Variants in MYO9B observed in about 807,000 individuals in gnomAD.
MYO9B encodes myosin IXB, also known as unconventional myosin-IXb.
Under a neutral mutation model 229.5 loss-of-function variants are expected in MYO9B, and 71 were observed. The ratio of observed to expected loss-of-function variants is 0.31; its 90% confidence interval spans 0.26 to 0.38. The LOEUF is 0.38. MYO9B is among the 10% of genes least tolerant of loss of function. The probability of loss-of-function intolerance (pLI) is 1.00; values close to 1 mark genes in which losing one functional copy is unlikely to be tolerated. For synonymous variants in MYO9B, 1,185 were observed against 1,235.8 expected, an observed-to-expected ratio of 0.96 and a Z score of 0.86; for missense variants, 2,255 against 2,920.5, an observed-to-expected ratio of 0.77 and a Z score of 5.25.
chr19:17,199,252 T>C (rs2145482440), intron 24 of MYO9B, among the ~76,000 whole-genome samples: 1 of 152,042 alleles, frequency 6.6e-6, no homozygotes, highest in East Asian at 1.9e-4. Flanking sequence ...GGCGCATGGC[T>C]TGTACCTATA....
At chr19:17,122,463 C>T (rs961891886) in intron 2 of MYO9B, among the ~76,000 whole-genome samples, 4 of 151,918 alleles carry the variant, frequency 2.6e-5, no homozygotes, top group African/African-American at 7.3e-5. Context: ...TGCTTGAACC[C>T]GGGAGATTGC....
chr19:17,206,586 AT>A, intron 33 of MYO9B, 92 bp from the exon 34 acceptor site: 1 of 1,328,980 alleles, frequency 7.5e-7, no homozygotes. Context: ...CACAGGGTGG[AT>A]GGCACCTGTG....
In MYO9B at chr19:17,135,542, G is replaced by A. The variant is rs951751336; in HGVS notation, c.841-9855G>A. Reference sequence around the variant, plus strand: ...AAGCAGCAACACAATAGCACCCCTCGCTGCGAGCGCTGGGCCGCACTTCCC... The same window carrying A: ...AAGCAGCAACACAATAGCACCCCTCACTGCGAGCGCTGGGCCGCACTTCCC... On this transcript the variant is annotated intron_variant, in intron 2 of 39. Coordinates refer to ENST00000682292, the MANE Select transcript of MYO9B (RefSeq NM_004145.4). Among the ~76,000 whole-genome samples, 8 of 152,126 alleles carry A rather than the reference G, an allele frequency of 5.3e-5. No individual in the cohort carries two copies. In the South Asian group the frequency reaches 6.2e-4, roughly 12 times the overall value.
intron 2 of MYO9B, among the ~76,000 whole-genome samples, chr19:17,134,381 GTTTTTTTTTTTTTTTTTTTT>G (rs869297825): frequency 6.5e-5 from 3 of 46,472 alleles, no homozygotes; most frequent in African/African-American, 1.8e-4. Context: ...CGTTTTGTTT[GTTTTTTTTTTTTTTTTTTTT>G]TTTTTTTTGA....
Position 17,212,401 on chromosome 19 carries a change from A to AG in MYO9B, c.*92dup. On this transcript the variant is annotated 3_prime_UTR_variant, in exon 40 of 40. Transcript: ENST00000682292. The surrounding 1 kb of genome is among the most constrained non-coding windows in gnomAD (Gnocchi z 5.4). ...TGCAGAGCTAGTGTTCGGCCCTCAG[A>AG]GAAGGATCCAGAATCAAAAGCTCAA... 1 of 1,347,238 alleles carries AG rather than the reference A, an allele frequency of 7.4e-7. No homozygotes were observed. The highest frequency in any genetic ancestry group is 9.7e-7 in the Non-Finnish European group (1 of 1,030,910). 83.5% of individuals were successfully genotyped at this position (1,347,238 alleles called of 1,614,324 possible).
At chr19:17,191,342 T>G in intron 20 of MYO9B, 123 bp downstream of exon 20, 2 of 1,258,286 alleles carry the variant, frequency 1.6e-6, no homozygotes, top group Non-Finnish European at 1.1e-6. Flanking sequence ...GGAAATGCAT[T>G]TCTCGGGACC....
chr19:17,124,078 G>A (rs1374306015), intron 2 of MYO9B, among the ~76,000 whole-genome samples: 10 of 151,868 alleles, frequency 6.6e-5, no homozygotes, highest in African/African-American at 1.5e-4. Context: ...TTGTAGAGAC[G>A]GGGTCTCACT....
At chr19:17,199,777 C>A (rs1356220247) in intron 24 of MYO9B, among the ~76,000 whole-genome samples, 1 of 150,060 alleles carries the variant, frequency 6.7e-6, no homozygotes. Context: ...CTCCTGGGCT[C>A]AGCTGATCCA....
intron 18 of MYO9B, among the ~76,000 whole-genome samples, chr19:17,186,793 C>G (rs1192873960): frequency 6.6e-6 from 1 of 152,008 alleles, no homozygotes; most frequent in African/African-American, 2.4e-5. Flanking sequence ...TACAGTGGTG[C>G]GATCTCGGCT....
chr19:17,080,562 A>G (rs2057525151), intron 1 of MYO9B, among the ~76,000 whole-genome samples: 2 of 152,020 alleles, frequency 1.3e-5, no homozygotes, highest in Non-Finnish European at 2.9e-5. Context: ...TAACTGAATC[A>G]TCCCCATAAA....
Position 17,135,159 on chromosome 19 carries a change from T to C in MYO9B, c.841-10238T>C, listed in dbSNP as rs189239028. ...GCATTTCTTCCACGTACTGATGTCA[T>C]TTCCTTTGGATATATACCCAGAAGT... is the stretch of plus-strand genomic sequence containing the variant. On this transcript the variant is annotated intron_variant, in intron 2 of 39. Transcript: ENST00000682292. Among the ~76,000 whole-genome samples the C allele has an allele frequency of 1.2e-3, 176 of 152,336 alleles. 2 individuals carry two copies. The highest frequency in any genetic ancestry group is 4.1e-3 in the African/African-American group (170 of 41,572).
chr19:17,155,206 T>G (rs973153033), intron 6 of MYO9B, among the ~76,000 whole-genome samples: 4 of 151,946 alleles, frequency 2.6e-5, no homozygotes, highest in Admixed American at 2.6e-4. Context: ...TTTTTTTTTT[T>G]AGATGGGGTC....
chr19:17,202,030 T>C lies in MYO9B; in HGVS notation c.4662+6T>C, dbSNP rs2073111533. 1 of 1,610,862 alleles carries C rather than the reference T, an allele frequency of 6.2e-7. No homozygotes were observed. Among genetic ancestry groups the C allele is most frequent in the African/African-American group, 1.3e-5 (1 of 74,820 alleles). On this transcript the variant is annotated splice_donor_region_variant and intron_variant, in intron 27 of 39. Transcript: ENST00000682292. ...AAACGATGTACTCTGTCCCGGTATG[T>C]GGCGGCCCGGCCTTCAGCCTTTCCC... is the stretch of plus-strand genomic sequence containing the variant.
intron 2 of MYO9B, among the ~76,000 whole-genome samples, chr19:17,117,498 AAAAG>A (rs774245605): frequency 2.0e-5 from 3 of 152,108 alleles, no homozygotes; most frequent in African/African-American, 7.2e-5. Flanking sequence ...TCCTCCTGGT[AAAAG>A]AAAGAAAGGG....
In MYO9B at chr19:17,121,127, G is replaced by A. The variant is rs558173461; in HGVS notation, c.840+18570G>A. ...CCAGCTAATTTTTGTATTTTTAGTA[G>A]AGATGGGGTTTTGCCATGTTGTCCA... On this transcript the variant is annotated intron_variant, in intron 2 of 39. Coordinates refer to ENST00000682292, the MANE Select transcript of MYO9B (RefSeq NM_004145.4). 1.6e-4 allele frequency among the ~76,000 whole-genome samples: 24 copies of A among 152,244 alleles called. No individual in the cohort carries two copies. In the South Asian group the frequency reaches 3.5e-3, roughly 22 times the overall value.
At chr19:17,158,250 A>T (rs2072558591) in intron 7 of MYO9B, among the ~76,000 whole-genome samples, 1 of 152,174 alleles carries the variant, frequency 6.6e-6, no homozygotes, top group South Asian at 2.1e-4. Flanking sequence ...TCTTGGGGAT[A>T]TGTGAGCATC....
In MYO9B at chr19:17,101,142, T is replaced by A. The variant is rs1599322971; in HGVS notation, c.-58-518T>A. Among the ~76,000 whole-genome samples, 1 of 150,940 alleles carries A rather than the reference T, an allele frequency of 6.6e-6. No homozygotes were observed. Among genetic ancestry groups the A allele is most frequent in the African/African-American group, 2.4e-5 (1 of 41,068 alleles). The stretch of plus-strand genomic sequence containing the variant: ...GAGCAAACTCAGGGGAAGGGTCAGG[T>A]CTTGGGGTTGTCTGATGATGTCACT... On this transcript the variant is annotated intron_variant, in intron 1 of 39. Transcript: ENST00000682292. The surrounding 1 kb of genome is among the most constrained non-coding windows in gnomAD (Gnocchi z 4.7).
intron 2 of MYO9B, among the ~76,000 whole-genome samples, chr19:17,137,785 C>G (rs528047111): frequency 6.6e-6 from 1 of 151,912 alleles, no homozygotes; most frequent in Non-Finnish European, 1.5e-5. Flanking sequence ...GCTCTGTCGC[C>G]GAGGCTGGAG....
chr19:17,186,668 G>C (rs117558513), intron 18 of MYO9B, among the ~76,000 whole-genome samples: 3,559 of 152,162 alleles, frequency 0.023, 61 homozygotes, highest in Non-Finnish European at 0.034. Flanking sequence ...AGCATCCCTG[G>C]CCTCCACATC....
Sources: gnomAD v4.1 joint callset for allele counts (sites outside exome capture counted in the v4.1 genomes callset) on GRCh38, gnomAD v4.1.1 for gene constraint, Gnocchi (gnomAD v3.1) non-coding constraint, MANE v1.5 for transcripts, NCBI Gene and HGNC (gene_info 2026-07-23, HGNC 2026-07-21) for gene names.